ORC3: variants seen among roughly 807,000 people sequenced by gnomAD.
The protein encoded by ORC3 is origin recognition complex subunit 3.
Under a neutral mutation model 100.7 loss-of-function variants are expected in ORC3, and 78 were observed. The ratio of observed to expected loss-of-function variants is 0.77; its 90% CI spans 0.65 to 0.94. The LOEUF (loss-of-function observed/expected upper bound fraction) is 0.94, where lower values mean the gene tolerates loss of function less well. ORC3 is among the 40% of genes least tolerant of loss of function. The probability of loss-of-function intolerance (pLI) is 0.00; values close to 1 mark genes in which losing one functional copy is unlikely to be tolerated. For missense variants in ORC3, 789 were observed against 823.9 expected (o/e 0.96, Z 0.52); for synonymous variants, 295 against 289.3 (o/e 1.02, Z -0.20).
chr6:87,596,962 T>C (rs539484915), intron 2 of ORC3, among the ~76,000 whole-genome samples: 19 of 152,334 alleles, frequency 1.2e-4, no homozygotes, highest in Middle Eastern at 6.8e-3. Context: ...TATAGTACAG[T>C]GTCACAATTA....
At chr6:87,664,994 A>G (rs940681469) in intron 18 of ORC3, 135 bp downstream of exon 18, 2 of 619,428 alleles carry the variant, frequency 3.2e-6, no homozygotes, top group South Asian at 2.2e-5. Flanking sequence ...GGAAAGCATA[A>G]ATCATTTCAA....
chr6:87,631,974 C>A (rs1211910501), intron 11 of ORC3, among the ~76,000 whole-genome samples: 3 of 151,966 alleles, frequency 2.0e-5, no homozygotes, highest in Non-Finnish European at 2.9e-5. Context: ...ACCAGCCTGG[C>A]CAACCCAGTG....
chr6:87,626,498 A>G (rs1350183871), intron 11 of ORC3, among the ~76,000 whole-genome samples: 2 of 152,134 alleles, frequency 1.3e-5, no homozygotes, highest in Non-Finnish European at 2.9e-5. Context: ...AGAAAGTAGG[A>G]TAATAGGCTG....
chr6:87,656,985 C>G lies in ORC3; in HGVS notation c.1593+3C>G. ...CAGACCTCTATCATCTTCAGAAGGT[C>G]AGGTCACTCTCTTCCCTTCCAGCTG... On this transcript the variant is annotated splice_donor_region_variant and intron_variant, in intron 15 of 19. Coordinates refer to ENST00000392844, the MANE Select transcript of ORC3 (RefSeq NM_012381.4). The G allele has an allele frequency of 6.3e-7, 1 of 1,593,704 alleles. No individual in the cohort carries two copies. Among genetic ancestry groups the G allele is most frequent in the Non-Finnish European group, 8.6e-7 (1 of 1,161,300 alleles).
At chr6:87,658,467 A>AG (rs1048488423) in intron 16 of ORC3, among the ~76,000 whole-genome samples, 3 of 152,018 alleles carry the variant, frequency 2.0e-5, no homozygotes, top group African/African-American at 7.2e-5. Context: ...AAAAAAAAAA[A>AG]AAAGAATTGT....
chr6:87,655,104 T>C (rs956879193), intron 14 of ORC3, among the ~76,000 whole-genome samples: 3 of 152,226 alleles, frequency 2.0e-5, no homozygotes, highest in South Asian at 4.1e-4. Context: ...GGCTATATGC[T>C]ATCTGTGTTC....
intron 11 of ORC3, among the ~76,000 whole-genome samples, chr6:87,634,624 A>G (rs142376593): frequency 1.1e-3 from 173 of 152,372 alleles, no homozygotes; most frequent in African/African-American, 3.9e-3. Flanking sequence ...AAAATACAGT[A>G]TCAATTCTGG....
At chr6:87,615,491 T>G (rs1426581444) in intron 8 of ORC3, among the ~76,000 whole-genome samples, 2 of 152,232 alleles carry the variant, frequency 1.3e-5, no homozygotes, top group East Asian at 3.8e-4. Flanking sequence ...TAAAGGTGAT[T>G]TATAGACACT....
Position 87,621,398 on chromosome 6 carries a change from G to A in ORC3, c.1032G>A (p.Leu344=), listed in dbSNP as rs368361212. Reference sequence around the variant, plus strand: ...TCTATTCCCAGCCCTTAAGTGTCCTGTGCTGTAATCTTCCAGAAGCCAAAA... The same window carrying A: ...TCTATTCCCAGCCCTTAAGTGTCCTATGCTGTAATCTTCCAGAAGCCAAAA... ...EHFYSQPLSV[L]CCNLPEAKRR... is the part of the protein sequence containing the mutation. Residue 344 remains leucine, a synonymous_variant, in exon 10 of 20, where the codon CTG becomes CTA. Transcript: ENST00000392844. The A allele has an allele frequency of 1.4e-5, 22 of 1,599,700 alleles. No homozygotes were observed. In the African/African-American group the frequency reaches 2.6e-4, roughly 19 times the overall value.
chr6:87,609,126 A>G lies in ORC3; in HGVS notation c.610A>G (p.Arg204Gly), dbSNP rs748719892. The G allele has an allele frequency of 1.2e-6, 2 of 1,603,362 alleles. No homozygotes were observed. Among genetic ancestry groups the G allele is most frequent in the Non-Finnish European group, 1.7e-6 (2 of 1,177,580 alleles). ...GGACCCAAAAATGCTAAGCAAAAAA[A>G]GGACTACTTCTAGCCAATGGCAGTC... is the stretch of plus-strand genomic sequence containing the variant. ...KTDPKMLSKK[R>G]TTSSQWQSPP... Residue 204 changes from arginine (R) to glycine (G), a missense_variant, in exon 7 of 20, where the codon AGG becomes GGG. Arg to Gly is a moderately radical substitution (Grantham distance 125). Transcript: ENST00000392844.
chr6:87,640,150 C>T (rs551149389), intron 13 of ORC3, among the ~76,000 whole-genome samples: 1 of 151,700 alleles, frequency 6.6e-6, no homozygotes, highest in African/African-American at 2.4e-5. Flanking sequence ...CAGCCAGCCT[C>T]TAGTGTATTT....
intron 1 of ORC3, among the ~76,000 whole-genome samples, chr6:87,591,199 C>T (rs540634212): frequency 5.9e-5 from 9 of 152,320 alleles, no homozygotes; most frequent in Non-Finnish European, 1.0e-4. Context: ...TGTTGGACAG[C>T]GCTGTTCTGG....
intron 12 of ORC3, among the ~76,000 whole-genome samples, chr6:87,636,001 G>A (rs1233669170): frequency 2.7e-5 from 4 of 148,514 alleles, no homozygotes; most frequent in Non-Finnish European, 5.9e-5. Context: ...TTGGAGTGCA[G>A]TGGCGCAATC....
chr6:87,616,787 G>C (rs917941121), intron 9 of ORC3, among the ~76,000 whole-genome samples: 2 of 151,826 alleles, frequency 1.3e-5, no homozygotes, highest in Non-Finnish European at 1.5e-5. Context: ...TAAAGGGCCA[G>C]ATATTAAACA....
At chr6:87,597,541 A>C (rs1309608129) in intron 2 of ORC3, among the ~76,000 whole-genome samples, 1 of 152,268 alleles carries the variant, frequency 6.6e-6, no homozygotes, top group East Asian at 1.9e-4. Context: ...CCAGTGGAAA[A>C]ATTATGATAT....
chr6:87,663,612 G>A (rs1770375968), intron 17 of ORC3, among the ~76,000 whole-genome samples: 1 of 152,234 alleles, frequency 6.6e-6, no homozygotes, highest in Admixed American at 6.5e-5. Context: ...GAGAGCATCT[G>A]CAGAGCTGAG....
At chr6:87,610,658 A>G (rs1778688510) in intron 7 of ORC3, among the ~76,000 whole-genome samples, 1 of 144,448 alleles carries the variant, frequency 6.9e-6, no homozygotes, top group African/African-American at 2.7e-5. Context: ...GGTTCACGCC[A>G]TTCTCCTGCC....
At chr6:87,594,866 A>G (rs191675675) in intron 2 of ORC3, among the ~76,000 whole-genome samples, 23 of 152,332 alleles carry the variant, frequency 1.5e-4, no homozygotes, top group African/African-American at 4.8e-4. Flanking sequence ...AGGAAAACCT[A>G]AGAAAGAATG....
rs149142977 is a variant in ORC3, at chr6:87,622,876, T to C, written c.1185+863T>C. On this transcript the variant is annotated intron_variant, in intron 11 of 19. Transcript: ENST00000392844. ...GTAGTCTATTGAATTAATGTACCTTTTTTAAGAACATGCCTCTTACTGATG... is the reference window on the plus strand; with the variant it reads ...GTAGTCTATTGAATTAATGTACCTTCTTTAAGAACATGCCTCTTACTGATG... Among the ~76,000 whole-genome samples the C allele has an allele frequency of 5.9e-3, 894 of 152,322 alleles. 4 individuals carry two copies. The highest frequency in any genetic ancestry group is 0.011 in the Admixed American group (174 of 15,296).
Sources: allele counts gnomAD v4.1 joint callset (sites outside exome capture counted in the v4.1 genomes callset), GRCh38; gene constraint gnomAD v4.1.1; transcripts MANE v1.5; gene names NCBI Gene and HGNC (gene_info 2026-07-23, HGNC 2026-07-21).